The following NCOA2 variants were observed in gnomAD, a reference collection of about 807,000 sequenced individuals.
NCOA2 encodes the protein nuclear receptor coactivator 2.
In NCOA2, 21 loss-of-function variants were observed where a neutral mutation model predicts 145.1. The observed-to-expected ratio is 0.14, with a 90% CI of 0.10 to 0.21. The LOEUF is 0.21. NCOA2 is among the 10% of genes least tolerant of loss of function. The probability of loss-of-function intolerance (pLI) is 1.00; values close to 1 mark genes in which losing one functional copy is unlikely to be tolerated. For missense variants in NCOA2, 1,472 were observed against 1,837.6 expected (o/e 0.80, Z 3.64); for synonymous variants, 619 against 637.5 (o/e 0.97, Z 0.44).
intron 1 of NCOA2, among the ~76,000 whole-genome samples, chr8:70,375,963 T>C (rs747802848): frequency 2.0e-5 from 3 of 152,232 alleles, no homozygotes; most frequent in South Asian, 2.1e-4. Flanking sequence ...CGAAGACTTA[T>C]GGAAAACTTA....
At chr8:70,420,612 G>A in the NCOA2 span, among the ~76,000 whole-genome samples, 7 of 152,258 alleles carry the variant, frequency 4.6e-5, no homozygotes, top group South Asian at 1.5e-3. Context: ...GGAGGCTGGG[G>A]GTGGCTGGAG....
At chr8:70,222,754 C>T (rs962382520) in intron 2 of NCOA2, among the ~76,000 whole-genome samples, 1 of 152,206 alleles carries the variant, frequency 6.6e-6, no homozygotes, top group East Asian at 1.9e-4. Context: ...TTTGCTGCAA[C>T]ATATCCATCA....
At chr8:70,256,926 T>C (rs561110900) in intron 2 of NCOA2, among the ~76,000 whole-genome samples, 1 of 152,282 alleles carries the variant, frequency 6.6e-6, no homozygotes, top group East Asian at 1.9e-4. Context: ...GAAAAAACAG[T>C]GAAGTGAAGT....
In NCOA2 at chr8:70,133,684, T is replaced by C. The variant is rs1212870277; in HGVS notation, c.3159-1682A>G. Among the ~76,000 whole-genome samples the C allele has an allele frequency of 2.6e-5, 4 of 152,360 alleles. No individual in the cohort carries two copies. The East Asian group carries it at 5.8e-4, about 22-fold the overall frequency. On this transcript the variant is annotated intron_variant, in intron 15 of 22. Transcript: ENST00000452400. ...GATTAAAAAACAAACAAAAAGTTTATAGATGAGCAAACTCATTCTTAAGCA... is the reference window on the plus strand; with the variant it reads ...GATTAAAAAACAAACAAAAAGTTTACAGATGAGCAAACTCATTCTTAAGCA...
intron 1 of NCOA2, among the ~76,000 whole-genome samples, chr8:70,318,168 T>A (rs1179495030): frequency 6.6e-6 from 1 of 152,200 alleles, no homozygotes; most frequent in Non-Finnish European, 1.5e-5. Flanking sequence ...AGTGCAGTCA[T>A]AATGCTTAAT....
intron 1 of NCOA2, among the ~76,000 whole-genome samples, chr8:70,392,770 C>T (rs1481621952): frequency 6.6e-6 from 1 of 152,236 alleles, no homozygotes; most frequent in Non-Finnish European, 1.5e-5. Context: ...TCCCTCTTCT[C>T]ACTCCAGTGG....
At chr8:70,265,434 A>T (rs73684256) in intron 2 of NCOA2, among the ~76,000 whole-genome samples, 2,275 of 152,338 alleles carry the variant, frequency 0.015, 59 homozygotes, top group African/African-American at 0.053. Flanking sequence ...GAGCTGAAAC[A>T]GTTAAGTGTT....
At chr8:70,244,242 A>T (rs1368852032) in intron 2 of NCOA2, among the ~76,000 whole-genome samples, 1 of 152,112 alleles carries the variant, frequency 6.6e-6, no homozygotes, top group Non-Finnish European at 1.5e-5. Context: ...CATTAGCAAA[A>T]TCATTCTCCG....
chr8:70,386,550 C>T (rs1812683008), intron 1 of NCOA2, among the ~76,000 whole-genome samples: 1 of 151,020 alleles, frequency 6.6e-6, no homozygotes, highest in Non-Finnish European at 1.5e-5. Flanking sequence ...GTCATTTAAT[C>T]AAGAGTTCTA....
chr8:70,127,553 GTGGAGGGTGGAGAGGGAGGAA>G (rs908914630), intron 18 of NCOA2, among the ~76,000 whole-genome samples: 3 of 152,192 alleles, frequency 2.0e-5, no homozygotes, highest in African/African-American at 7.2e-5. Context: ...CGAGTCAGAG[GTGGAGGGTGGAGAGGGAGGAA>G]AGGCAGGATG....
chr8:70,168,108 A>G (rs570977110), intron 6 of NCOA2, among the ~76,000 whole-genome samples: 7 of 152,320 alleles, frequency 4.6e-5, no homozygotes, highest in African/African-American at 1.7e-4. Context: ...GGAGAAGGAC[A>G]TGTAGGTGTT....
At chr8:70,361,612 T>C (rs746947833) in intron 1 of NCOA2, among the ~76,000 whole-genome samples, 6 of 152,270 alleles carry the variant, frequency 3.9e-5, no homozygotes, top group Admixed American at 6.5e-5. Flanking sequence ...TGACATATAT[T>C]ATCTCCTACC....
intron 1 of NCOA2, among the ~76,000 whole-genome samples, chr8:70,341,284 T>G (rs186010103): frequency 3.9e-5 from 6 of 152,080 alleles, no homozygotes; most frequent in Middle Eastern, 3.4e-3. Flanking sequence ...TCACAGCTAC[T>G]TGGGAGGTGG....
At chr8:70,363,587 T>C (rs1035205109) in intron 1 of NCOA2, among the ~76,000 whole-genome samples, 11 of 152,148 alleles carry the variant, frequency 7.2e-5, no homozygotes, top group Non-Finnish European at 1.5e-4. Context: ...ACAACCATAC[T>C]ATGAAATACT....
At chr8:70,399,944 T>C (rs575972086) in intron 1 of NCOA2, among the ~76,000 whole-genome samples, 42 of 152,368 alleles carry the variant, frequency 2.8e-4, no homozygotes, top group East Asian at 5.8e-4. Context: ...AATCCTTAAA[T>C]ACAGGGCATA....
intron 1 of NCOA2, among the ~76,000 whole-genome samples, chr8:70,369,348 C>T (rs1022097040): frequency 5.3e-5 from 8 of 152,068 alleles, no homozygotes; most frequent in Non-Finnish European, 1.2e-4. Flanking sequence ...AATAAATATC[C>T]CTGATTAATC....
chr8:70,176,851 G>T (rs535489067), intron 4 of NCOA2, among the ~76,000 whole-genome samples: 77 of 152,294 alleles, frequency 5.1e-4, no homozygotes, highest in Non-Finnish European at 1.0e-3. Flanking sequence ...GGTCTTCTTG[G>T]ATGTGGACAG....
At chr8:70,224,056 T>C (rs986798249) in intron 2 of NCOA2, among the ~76,000 whole-genome samples, 3 of 152,218 alleles carry the variant, frequency 2.0e-5, no homozygotes, top group African/African-American at 7.2e-5. Flanking sequence ...AATATATAAC[T>C]AATGCTCCAG....
intron 4 of NCOA2, among the ~76,000 whole-genome samples, chr8:70,202,294 T>TA (rs1430202165): frequency 6.6e-6 from 1 of 152,194 alleles, no homozygotes; most frequent in African/African-American, 2.4e-5. Flanking sequence ...CCTGAAAATT[T>TA]AAATGCAGAA....
Sources: allele counts gnomAD v4.1 joint callset (sites outside exome capture counted in the v4.1 genomes callset), GRCh38; gene constraint gnomAD v4.1.1; transcripts MANE v1.5; gene names NCBI Gene and HGNC (gene_info 2026-07-23, HGNC 2026-07-21).